Variants in CCDC12 observed in about 807,000 individuals in gnomAD.
The protein encoded by CCDC12 is coiled-coil domain containing 12.
A neutral mutation model predicts 25.7 loss-of-function variants in CCDC12; 28 were observed. The ratio of observed to expected loss-of-function variants is 1.09; its 90% confidence interval spans 0.81 to 1.50. The LOEUF (loss-of-function observed/expected upper bound fraction) is 1.50. Among genes scored for constraint, CCDC12 ranks in the 40% most tolerant of loss-of-function variants. The pLI is 0.00. For synonymous variants in CCDC12, 75 were observed against 87.7 expected (o/e 0.86, Z 0.81); for missense variants, 198 against 210.0 (o/e 0.94, Z 0.35).
At chr3:46,945,097 C>G (rs561428715) in intron 1 of CCDC12, among the ~76,000 whole-genome samples, 1 of 152,216 alleles carries the variant, frequency 6.6e-6, no homozygotes, top group Non-Finnish European at 1.5e-5. Flanking sequence ...AGGGTCTGAC[C>G]GTAGGCCCAG....
At chr3:46,944,336 GCT>G (rs1440541629) in intron 1 of CCDC12, among the ~76,000 whole-genome samples, 2 of 151,938 alleles carry the variant, frequency 1.3e-5, no homozygotes, top group Non-Finnish European at 2.9e-5. Flanking sequence ...TTTCTAAAGA[GCT>G]CTGATTCTAC....
chr3:46,953,869 C>T (rs2034204998), intron 1 of CCDC12, among the ~76,000 whole-genome samples: 1 of 152,148 alleles, frequency 6.6e-6, no homozygotes, highest in South Asian at 2.1e-4. Flanking sequence ...GAAGTCACCT[C>T]CCCACCCTCT....
intron 1 of CCDC12, among the ~76,000 whole-genome samples, chr3:46,949,126 A>T (rs1489195685): frequency 6.6e-6 from 1 of 152,190 alleles, no homozygotes; most frequent in Admixed American, 6.5e-5. Context: ...AGCTCTTCAG[A>T]TTCTCAAGGG....
Position 46,955,952 on chromosome 3 carries a change from G to T in CCDC12, c.97-14887C>A, listed in dbSNP as rs55832326. 2.1e-3 allele frequency among the ~76,000 whole-genome samples: 322 copies of T among 152,314 alleles called. 3 individuals carry two copies. The highest frequency in any genetic ancestry group is 7.4e-3 in the African/African-American group (309 of 41,570). ...GCCCCCACCAATACCCCGGAATCAG[G>T]TATTATCACTGCATACAAATGACCA... On this transcript the variant is annotated intron_variant, in intron 1 of 6. Coordinates refer to ENST00000683445, the MANE Select transcript of CCDC12 (RefSeq NM_001277074.2).
intron 3 of CCDC12, chr3:46,925,156 CAGG>C (rs1220261709): frequency 1.8e-6 from 1 of 556,788 alleles, no homozygotes; most frequent in African/African-American, 1.9e-5. Flanking sequence ...ACTTCTCAGC[CAGG>C]AGTCCTCTGA....
At chr3:46,923,212 T>A (rs2032762868) in intron 5 of CCDC12, 117 bp downstream of exon 5, 1 of 1,068,542 alleles carries the variant, frequency 9.4e-7, no homozygotes, top group Non-Finnish European at 1.3e-6. Flanking sequence ...CGTGTAACTC[T>A]ATGTCTGTAC....
intron 1 of CCDC12, among the ~76,000 whole-genome samples, chr3:46,965,830 G>A (rs1217763137): frequency 6.6e-6 from 1 of 152,220 alleles, no homozygotes; most frequent in African/African-American, 2.4e-5. Flanking sequence ...TCAACCAGAG[G>A]TAAAATAAGA....
At chr3:46,942,778 C>T (rs1440559030) in intron 1 of CCDC12, among the ~76,000 whole-genome samples, 3 of 152,136 alleles carry the variant, frequency 2.0e-5, no homozygotes, top group Admixed American at 6.5e-5. Context: ...AGCAGCTACA[C>T]GAGAGAGGTC....
intron 3 of CCDC12, among the ~76,000 whole-genome samples, chr3:46,924,754 T>C (rs150803266): frequency 2.0e-4 from 31 of 152,250 alleles, no homozygotes; most frequent in Non-Finnish European, 3.4e-4. Context: ...AGGCTGAGGT[T>C]ACAGTGAGCT....
chr3:46,961,090 G>C (rs2034449213), intron 1 of CCDC12, among the ~76,000 whole-genome samples: 1 of 151,906 alleles, frequency 6.6e-6, no homozygotes, highest in African/African-American at 2.4e-5. Flanking sequence ...GTGAGGTTAA[G>C]GGAGTGTAAG....
chr3:46,964,761 G>T (rs563350818), intron 1 of CCDC12, among the ~76,000 whole-genome samples: 1 of 152,046 alleles, frequency 6.6e-6, no homozygotes, highest in Non-Finnish European at 1.5e-5. Context: ...CAGCATGCTC[G>T]TTAAGAGTCA....
chr3:46,979,838 G>A (rs2035178519), upstream of CCDC12: 2 of 428,016 alleles, frequency 4.7e-6, no homozygotes, highest in South Asian at 5.6e-5. Flanking sequence ...GTGGCGCGCA[G>A]CAGGGCCGGA....
At position 46,944,584 on chromosome 3, in the gene CCDC12, G is replaced by GC. The variant is rs377059648; in HGVS notation, c.97-3520dup. On this transcript the variant is annotated intron_variant, in intron 1 of 6. Transcript: ENST00000683445. ...CCACTCAATACCCTTCCCAAATCTT[G>GC]CCATCTTCTCCCTCCTTCCCAATCC... 5.7e-3 allele frequency among the ~76,000 whole-genome samples: 862 copies of GC among 151,784 alleles called. 9 individuals carry two copies. The highest frequency in any genetic ancestry group is 0.02 in the African/African-American group (823 of 41,320).
chr3:46,930,031 CAAAAAAAAAAAAAA>C (rs145507739), intron 2 of CCDC12, among the ~76,000 whole-genome samples: 2 of 39,876 alleles, frequency 5.0e-5, no homozygotes, highest in African/African-American at 1.3e-4. Flanking sequence ...GACCCCATCT[CAAAAAAAAAAAAAA>C]AAAAAAAAAA....
intron 2 of CCDC12, among the ~76,000 whole-genome samples, chr3:46,928,483 T>C (rs923920587): frequency 6.6e-6 from 1 of 152,072 alleles, no homozygotes; most frequent in African/African-American, 2.4e-5. Flanking sequence ...TTGAACATAG[T>C]GGCAGAAACC....
At chr3:46,957,398 C>G (rs2107173289) in intron 1 of CCDC12, among the ~76,000 whole-genome samples, 1 of 152,216 alleles carries the variant, frequency 6.6e-6, no homozygotes, top group East Asian at 1.9e-4. Context: ...AAGGCTGGCT[C>G]TCTTTCTTTT....
At position 46,921,804 on chromosome 3, in the gene CCDC12, A is replaced by G; in HGVS notation, c.*253T>C. ...AAGTTCAAAATATATACATATATAC[A>G]GACATATGTACATCCACATGTGCAG... On this transcript the variant is annotated 3_prime_UTR_variant, in exon 7 of 7. Coordinates refer to ENST00000683445, the MANE Select transcript of CCDC12 (RefSeq NM_001277074.2). 1 of 558,970 alleles carries G rather than the reference A, an allele frequency of 1.8e-6. No individual in the cohort carries two copies. Among genetic ancestry groups the G allele is most frequent in the Non-Finnish European group, 3.2e-6 (1 of 312,544 alleles). The allele number at this position is 558,970 out of a possible 1,614,324, so 34.6% of individuals were successfully genotyped here.
intron 1 of CCDC12, among the ~76,000 whole-genome samples, chr3:46,962,210 G>T (rs1345730638): frequency 6.6e-6 from 1 of 152,024 alleles, no homozygotes; most frequent in Admixed American, 6.6e-5. Flanking sequence ...GAGGGGGGTG[G>T]ATCATCTGAG....
At chr3:46,931,900 C>T (rs1031761509) in intron 2 of CCDC12, among the ~76,000 whole-genome samples, 1 of 152,166 alleles carries the variant, frequency 6.6e-6, no homozygotes, top group Non-Finnish European at 1.5e-5. Flanking sequence ...TGGAGCTCTG[C>T]CAGGAAAACA....
Sources: gnomAD v4.1 joint callset for allele counts (sites outside exome capture counted in the v4.1 genomes callset) on GRCh38, gnomAD v4.1.1 for gene constraint, MANE v1.5 for transcripts, NCBI Gene and HGNC (gene_info 2026-07-23, HGNC 2026-07-21) for gene names.